MCC: variants seen among roughly 807,000 people sequenced by gnomAD.
MCC encodes colorectal mutant cancer protein.
MCC carries 90 observed loss-of-function variants against 116.2 expected under a neutral mutation model. The observed-to-expected ratio is 0.77, with a 90% CI of 0.65 to 0.92. MCC has a LOEUF of 0.92. Among genes scored for constraint, MCC ranks in the 40% least tolerant of loss-of-function variants. MCC has a pLI of 0.00. For synonymous variants in MCC, 578 were observed against 510.5 expected (o/e 1.13, Z -1.78); for missense variants, 1,516 against 1,312.2 (o/e 1.16, Z -2.40).
intron 3 of MCC, among the ~76,000 whole-genome samples, chr5:113,329,429 T>C (rs1767642885): frequency 7.0e-6 from 1 of 142,798 alleles, no homozygotes; most frequent in African/African-American, 3.1e-5. Flanking sequence ...CATACATATA[T>C]ACACACATAC....
At chr5:113,350,084 G>A (rs190436512) in intron 2 of MCC, among the ~76,000 whole-genome samples, 31 of 152,050 alleles carry the variant, frequency 2.0e-4, no homozygotes, top group Non-Finnish European at 3.4e-4. Context: ...TCATGGACTG[G>A]AAGAACCAAT....
chr5:113,323,320 A>G (rs1374955163), intron 3 of MCC: 1 of 152,250 alleles, frequency 6.6e-6, no homozygotes, highest in Admixed American at 6.5e-5. Context: ...GGTTTGGGGT[A>G]ATTTGCTGTG....
At chr5:113,243,211 C>T (rs1010375175) in intron 3 of MCC, among the ~76,000 whole-genome samples, 23 of 152,116 alleles carry the variant, frequency 1.5e-4, no homozygotes, top group African/African-American at 5.6e-4. Flanking sequence ...GTATCATGTA[C>T]TGGCATGATC....
At chr5:113,462,232 C>A (rs1293214997) in intron 1 of MCC, among the ~76,000 whole-genome samples, 1 of 152,238 alleles carries the variant, frequency 6.6e-6, no homozygotes, top group Non-Finnish European at 1.5e-5. Flanking sequence ...GCTAACCCAG[C>A]CATTCACCCA....
chr5:113,122,071 T>C (rs1456763132), intron 6 of MCC, among the ~76,000 whole-genome samples: 7 of 152,258 alleles, frequency 4.6e-5, no homozygotes, highest in Admixed American at 4.6e-4. Context: ...TTAGCCTTCA[T>C]TTAAAAATAC....
intron 3 of MCC, among the ~76,000 whole-genome samples, chr5:113,317,637 G>C (rs1471551027): frequency 6.6e-6 from 1 of 152,140 alleles, no homozygotes; most frequent in Non-Finnish European, 1.5e-5. Context: ...ATATTCCTAA[G>C]CACATTCACA....
At chr5:113,350,401 T>G (rs1414755013) in intron 2 of MCC, among the ~76,000 whole-genome samples, 2 of 152,032 alleles carry the variant, frequency 1.3e-5, no homozygotes, top group African/African-American at 4.8e-5. Flanking sequence ...ACACTTACAG[T>G]GAATTCATTT....
At chr5:113,088,315 C>T (rs1428920152) in intron 8 of MCC, among the ~76,000 whole-genome samples, 1 of 151,858 alleles carries the variant, frequency 6.6e-6, no homozygotes, top group Non-Finnish European at 1.5e-5. Context: ...AGCCAATATG[C>T]TGAGTCAGCT....
chr5:113,433,966 G>A lies in MCC; in HGVS notation c.171-48754C>T, dbSNP rs369630791. ...GGGGTCCACAAGGGTTCAGTTCCCC[G>A]GGAACTCTCCCCCTCCTTGTTGATG... On this transcript the variant is annotated intron_variant, in intron 1 of 18. Transcript: ENST00000408903. The A allele has an allele frequency of 8.1e-5, 131 of 1,613,848 alleles. No homozygotes were observed. Among genetic ancestry groups the A allele is most frequent in the African/African-American group, 1.2e-4 (9 of 74,918 alleles).
intron 3 of MCC, among the ~76,000 whole-genome samples, chr5:113,253,542 T>C (rs1764881873): frequency 6.6e-6 from 1 of 151,976 alleles, no homozygotes. Flanking sequence ...TCACAACCCA[T>C]ACTCCTAGTG....
intron 17 of MCC, among the ~76,000 whole-genome samples, chr5:113,042,980 A>T (rs1751821498): frequency 6.6e-6 from 1 of 152,154 alleles, no homozygotes; most frequent in Admixed American, 6.5e-5. Context: ...CCCGGGGAAA[A>T]AGCAGTGATG....
At chr5:113,337,716 G>C (rs1179416279) in intron 3 of MCC, among the ~76,000 whole-genome samples, 1 of 152,040 alleles carries the variant, frequency 6.6e-6, no homozygotes, top group Non-Finnish European at 1.5e-5. Flanking sequence ...GCTCTTAGTA[G>C]CTATTTAAAA....
chr5:113,073,656 C>CTT (rs565478702), intron 11 of MCC, among the ~76,000 whole-genome samples: 19,806 of 144,160 alleles, frequency 0.14, 1,489 homozygotes, highest in African/African-American at 0.21. Flanking sequence ...CATATGGCTG[C>CTT]TTTTTTTTTT....
chr5:113,057,700 C>A (rs968468544), intron 14 of MCC, among the ~76,000 whole-genome samples: 1 of 152,246 alleles, frequency 6.6e-6, no homozygotes, highest in Non-Finnish European at 1.5e-5. Context: ...CTGCCTGCAA[C>A]CTGCTCAGCG....
intron 3 of MCC, among the ~76,000 whole-genome samples, chr5:113,271,087 A>G (rs1167297970): frequency 6.6e-6 from 1 of 152,194 alleles, no homozygotes; most frequent in Non-Finnish European, 1.5e-5. Context: ...ACCCTTAGTG[A>G]GCAAGTATGT....
At chr5:113,158,919 T>C (rs1760327545) in intron 3 of MCC, among the ~76,000 whole-genome samples, 1 of 152,100 alleles carries the variant, frequency 6.6e-6, no homozygotes, top group South Asian at 2.1e-4. Flanking sequence ...GTAAACCTGC[T>C]TGTGTCCATG....
At chr5:113,464,334 T>G (rs933558793) in intron 1 of MCC, among the ~76,000 whole-genome samples, 1 of 152,220 alleles carries the variant, frequency 6.6e-6, no homozygotes, top group African/African-American at 2.4e-5. Context: ...CTTTTCTCAC[T>G]CCAGCCACAC....
At chr5:113,083,275 G>C (rs1754985558) in intron 10 of MCC, among the ~76,000 whole-genome samples, 1 of 152,008 alleles carries the variant, frequency 6.6e-6, no homozygotes, top group East Asian at 1.9e-4. Flanking sequence ...GGGAGATCAT[G>C]CCTTCTTGGA....
intron 2 of MCC, among the ~76,000 whole-genome samples, chr5:113,351,239 T>C (rs376478760): frequency 6.6e-6 from 1 of 152,168 alleles, no homozygotes; most frequent in African/African-American, 2.4e-5. Context: ...TACACTCCCA[T>C]GTTCATTGCA....
Sources: allele counts gnomAD v4.1 joint callset (sites outside exome capture counted in the v4.1 genomes callset), GRCh38; gene constraint gnomAD v4.1.1; transcripts MANE v1.5; gene names NCBI Gene and HGNC (gene_info 2026-07-23, HGNC 2026-07-21).